CYB5A: variants seen among roughly 807,000 people sequenced by gnomAD.
The protein encoded by CYB5A is cytochrome b5 type A.
CYB5A carries 10 observed loss-of-function variants against 16.2 expected under a neutral mutation model. That is an observed-to-expected ratio of 0.62 (90% confidence interval 0.38 to 1.04). The LOEUF is 1.04. Among genes scored for constraint, CYB5A ranks in the 50% least tolerant of loss-of-function variants. The pLI is 0.01. For missense variants in CYB5A, 161 were observed against 165.9 expected, an observed-to-expected ratio of 0.97 and a Z score of 0.16; for synonymous variants, 62 against 57.0, an observed-to-expected ratio of 1.09 and a Z score of -0.40.
chr18:74,288,085 T>C (rs924805337), intron 1 of CYB5A, among the ~76,000 whole-genome samples: 4 of 152,232 alleles, frequency 2.6e-5, no homozygotes, highest in African/African-American at 9.6e-5. Context: ...CACCTGCTGC[T>C]ATGTCGACTG....
chr18:74,288,652 G>A (rs567862945), intron 1 of CYB5A, among the ~76,000 whole-genome samples: 10 of 152,286 alleles, frequency 6.6e-5, no homozygotes, highest in South Asian at 2.1e-4. Flanking sequence ...CTACCTGGCA[G>A]GGCAGTGTGC....
rs1014247339 is a variant in CYB5A at position 74,261,429 on chromosome 18, G to C, written c.259-485C>G. On this transcript the variant is annotated intron_variant, in intron 2 of 4. Transcript: ENST00000340533. The stretch of plus-strand genomic sequence containing the variant: ...ATACAGTGTGTTTAAAGGCTGGCCA[G>C]GGGGAAGCCCAGTGGGCAGGTGAAG... 4 of 191,004 alleles carry C rather than the reference G, an allele frequency of 2.1e-5. No individual in the cohort carries two copies. In the East Asian group the frequency reaches 4.9e-4, roughly 24 times the overall value. The allele number at this position is 191,004 out of a possible 1,614,324, so 11.8% of individuals were successfully genotyped here. A position where few individuals can be genotyped will look rare whatever the true frequency, so the allele number is the denominator to read the frequency against.
At chr18:74,269,260 C>T (rs186399081) in intron 1 of CYB5A, among the ~76,000 whole-genome samples, 1 of 152,264 alleles carries the variant, frequency 6.6e-6, no homozygotes, top group East Asian at 1.9e-4. Flanking sequence ...GTTCTCTTCT[C>T]CTTGAATTGC....
intron 1 of CYB5A, among the ~76,000 whole-genome samples, chr18:74,284,233 C>A (rs28403008): frequency 0.45 from 32,560 of 72,454 alleles, 5,120 homozygotes; most frequent in African/African-American, 0.6. Flanking sequence ...ACTCCATCTC[C>A]AAAAAAAAAA....
chr18:74,256,036 A>G, intron 3 of CYB5A: 1 of 461,784 alleles, frequency 2.2e-6, no homozygotes, highest in South Asian at 2.4e-5. Flanking sequence ...ATGCTACATA[A>G]AATATCTTGC....
intron 1 of CYB5A, 125 bp downstream of exon 1, chr18:74,291,622 C>A: frequency 1.4e-6 from 2 of 1,435,898 alleles, no homozygotes; most frequent in East Asian, 2.4e-5. Context: ...CGCAGGTGAG[C>A]GAACTCGGGG....
chr18:74,280,047 C>T (rs1048379650), intron 1 of CYB5A, among the ~76,000 whole-genome samples: 1 of 152,124 alleles, frequency 6.6e-6, no homozygotes, highest in Non-Finnish European at 1.5e-5. Context: ...AACTCAGCAG[C>T]ATAACTGGGC....
Position 74,263,421 on chromosome 18 carries a change from G to A in CYB5A, c.186C>T (p.Asn62=), listed in dbSNP as rs746843599. ...REQAGGDATE[N]FEDVGHSTDA... is the part of the protein sequence containing the mutation. ...CTGTAGAGTGCCCGACATCCTCAAAGTTCTCAGTAGCGTCACCTCCAGCTT... is the reference window on the plus strand; with the variant it reads ...CTGTAGAGTGCCCGACATCCTCAAAATTCTCAGTAGCGTCACCTCCAGCTT... The change falls in exon 2 of 5, where the codon AAC becomes AAT. Residue 62 remains asparagine (N), a synonymous_variant. Coordinates refer to ENST00000340533, the MANE Select transcript of CYB5A (RefSeq NM_148923.4). 3 of 1,614,144 alleles carry A rather than the reference G, an allele frequency of 1.9e-6. No individual in the cohort carries two copies. The highest frequency in any genetic ancestry group is 2.7e-5 in the African/African-American group (2 of 75,046).
At chr18:74,280,384 A>G (rs1983047376) in intron 1 of CYB5A, among the ~76,000 whole-genome samples, 1 of 151,308 alleles carries the variant, frequency 6.6e-6, no homozygotes, top group African/African-American at 2.4e-5. Flanking sequence ...GCAGCTGGGC[A>G]ACACGGCAAA....
intron 1 of CYB5A, among the ~76,000 whole-genome samples, chr18:74,268,834 C>G (rs1250203892): frequency 2.0e-5 from 3 of 152,180 alleles, no homozygotes; most frequent in Admixed American, 6.5e-5. Context: ...AAACCACTTA[C>G]TGGAACTCAC....
intron 2 of CYB5A, among the ~76,000 whole-genome samples, chr18:74,262,253 A>AGGCCAACCT (rs1982233139): frequency 6.6e-6 from 1 of 152,186 alleles, no homozygotes; most frequent in Admixed American, 6.5e-5. Flanking sequence ...CAGGAGTACA[A>AGGCCAACCT]GGCCAACCTG....
At chr18:74,270,330 G>A (rs772266404) in intron 1 of CYB5A, among the ~76,000 whole-genome samples, 8 of 152,070 alleles carry the variant, frequency 5.3e-5, no homozygotes, top group African/African-American at 9.7e-5. Context: ...CAATGTGGGC[G>A]GATTGCTTGA....
intron 1 of CYB5A, among the ~76,000 whole-genome samples, chr18:74,273,348 GA>G (rs1405082181): frequency 1.3e-5 from 2 of 152,140 alleles, no homozygotes; most frequent in Non-Finnish European, 2.9e-5. Context: ...GGTTTCCTAA[GA>G]AATAAAAGAG....
chr18:74,268,349 G>A (rs1404240911), intron 1 of CYB5A, among the ~76,000 whole-genome samples: 1 of 152,168 alleles, frequency 6.6e-6, no homozygotes, highest in Non-Finnish European at 1.5e-5. Context: ...TCTGGGGAAG[G>A]TGTTGCAGGG....
intron 1 of CYB5A, among the ~76,000 whole-genome samples, chr18:74,267,876 T>C (rs542076411): frequency 3.3e-5 from 5 of 152,244 alleles, no homozygotes; most frequent in African/African-American, 9.6e-5. Context: ...GTGTGGGAAG[T>C]GACCAGCTGT....
At chr18:74,275,910 G>C (rs1337108977) in intron 1 of CYB5A, among the ~76,000 whole-genome samples, 1 of 152,208 alleles carries the variant, frequency 6.6e-6, no homozygotes, top group Non-Finnish European at 1.5e-5. Context: ...AGGGTGGCCA[G>C]GGAGGACCCG....
rs59600245 is a variant in CYB5A at position 74,264,210 on chromosome 18, C to CAAA, written c.130-736_130-734dup. On this transcript the variant is annotated intron_variant, in intron 1 of 4. Transcript: ENST00000340533. ...TAGGCAACAAAGTGAGACTCTGTCT[C>CAAA]AAAAAAAAAAAAAAAAGAGAGCGAG... Among the ~76,000 whole-genome samples, 1,366 of 144,016 alleles carry CAAA rather than the reference C, an allele frequency of 9.5e-3. 20 individuals carry two copies. The highest frequency in any genetic ancestry group is 0.031 in the South Asian group (141 of 4,546). The allele number at this position is 144,016 out of a possible 152,430, so 94.5% of individuals were successfully genotyped here.
chr18:74,290,386 A>C (rs1168631272), intron 1 of CYB5A, among the ~76,000 whole-genome samples: 4 of 152,098 alleles, frequency 2.6e-5, no homozygotes, highest in Admixed American at 6.5e-5. Flanking sequence ...CTGGGACTAC[A>C]GGCGTGCCCC....
At chr18:74,267,722 G>GT (rs1307282122) in intron 1 of CYB5A, among the ~76,000 whole-genome samples, 1 of 152,212 alleles carries the variant, frequency 6.6e-6, no homozygotes, top group Admixed American at 6.5e-5. Flanking sequence ...TTACACATAG[G>GT]TAAGATTAGA....
Sources: allele counts gnomAD v4.1 joint callset (sites outside exome capture counted in the v4.1 genomes callset), GRCh38; gene constraint gnomAD v4.1.1; transcripts MANE v1.5; gene names NCBI Gene and HGNC (gene_info 2026-07-23, HGNC 2026-07-21).